Variants in ADGRG1 observed in about 807,000 individuals in gnomAD.
The protein encoded by ADGRG1 is adhesion G protein-coupled receptor G1.
ADGRG1 carries 53 observed loss-of-function variants against 73.5 expected under a neutral mutation model. The observed-to-expected ratio is 0.72, with a 90% CI of 0.58 to 0.91. The LOEUF (loss-of-function observed/expected upper bound fraction) is 0.91. Among genes scored for constraint, ADGRG1 ranks in the 40% least tolerant of loss-of-function variants. The probability of loss-of-function intolerance (pLI) is 0.00; values close to 1 mark genes in which losing one functional copy is unlikely to be tolerated. For synonymous variants in ADGRG1, 394 were observed against 374.4 expected (o/e 1.05, Z -0.60); for missense variants, 795 against 871.8 (o/e 0.91, Z 1.11).
intron 1 of ADGRG1, chr16:57,634,557 A>G (rs1045850475): frequency 4.9e-6 from 4 of 821,034 alleles, no homozygotes; most frequent in Middle Eastern, 6.1e-4. Flanking sequence ...ATGAGGAATC[A>G]GGCCCAAGAG....
chr16:57,652,141 GGGCGGAGTATGAGA>G, intron 3 of ADGRG1: 1 of 1,026,776 alleles, frequency 9.7e-7, no homozygotes. Flanking sequence ...TAGGGGTGAG[GGGCGGAGTATGAGA>G]GGTCAAAGGT....
At chr16:57,632,422 AT>A in intron 1 of ADGRG1, 4 of 679,700 alleles carry the variant, frequency 5.9e-6, no homozygotes, top group Non-Finnish European at 7.3e-6. Flanking sequence ...AGAGGCTATT[AT>A]GAGCATGAAG....
upstream of ADGRG1, chr16:57,626,748 C>T: frequency 1.0e-6 from 1 of 985,342 alleles, no homozygotes; most frequent in Non-Finnish European, 1.2e-6. Context: ...GGACAGCTGC[C>T]CTGTGGGCCT....
At chr16:57,643,957 C>G in intron 1 of ADGRG1, 1 of 984,702 alleles carries the variant, frequency 1.0e-6, no homozygotes, top group Non-Finnish European at 1.2e-6. Flanking sequence ...ACAGGGGTGT[C>G]TACTTTGAGC....
In ADGRG1 at chr16:57,651,289, C is replaced by T. The variant is rs754223248; in HGVS notation, c.154C>T (p.Pro52Ser). Residue 52 changes from proline (P) to serine (S), a missense_variant, in exon 3 of 14, where the codon CCA becomes TCA. Physicochemically the swap from Pro to Ser is moderately conservative, Grantham distance 74. Transcript: ENST00000562631. ...GAGCAGCCTCCACTACAAACCCACA[C>T]CAGACCTGCGCATCTCCATCGAGAA... Reference protein sequence around the residue: ...HRSSLHYKPTPDLRISIENSE... With the variant: ...HRSSLHYKPTSDLRISIENSE... The T allele has an allele frequency of 1.7e-5, 28 of 1,614,064 alleles. No homozygotes were observed. Among genetic ancestry groups the T allele is most frequent in the African/African-American group, 1.2e-4 (9 of 74,932 alleles).
upstream of ADGRG1, chr16:57,622,736 A>C: frequency 1.0e-6 from 1 of 983,770 alleles, no homozygotes; most frequent in Non-Finnish European, 1.2e-6. Flanking sequence ...GAGGCTAGGC[A>C]AAAGGTCAGA....
rs1341199870 is a variant in ADGRG1, at chr16:57,661,983, C to A, written c.1933+18C>A. 5.0e-6 allele frequency: 8 copies of A among 1,597,812 alleles called. No homozygotes were observed. Among genetic ancestry groups the A allele is most frequent in the Middle Eastern group, 1.7e-4 (1 of 6,034 alleles). ...CTTCCAAGGTAAGGAGAAGACCCGT[C>A]CCTTGGCCCAGGCAGGGTGTCTACA... On this transcript the variant is annotated intron_variant, in intron 13 of 13. Transcript: ENST00000562631.
chr16:57,646,979 C>G, intron 1 of ADGRG1: 2 of 974,978 alleles, frequency 2.1e-6, no homozygotes, highest in Non-Finnish European at 2.4e-6. Context: ...GGCCCTGTAG[C>G]GCTGGGGATC....
chr16:57,625,058 G>A (rs34177965), upstream of ADGRG1, among the ~76,000 whole-genome samples: 3,262 of 152,068 alleles, frequency 0.021, 100 homozygotes, highest in East Asian at 0.16. Context: ...CACAGACTCC[G>A]GGCTCAGAGA....
intron 1 of ADGRG1, chr16:57,641,282 A>G (rs1476289724): frequency 2.0e-6 from 2 of 985,070 alleles, no homozygotes; most frequent in Non-Finnish European, 2.4e-6. Context: ...TGCTCTAGGC[A>G]TGTACATTCC....
chr16:57,652,763 C>A (rs1177725355), intron 3 of ADGRG1: 2 of 1,054,568 alleles, frequency 1.9e-6, no homozygotes, highest in East Asian at 8.7e-5. Context: ...CCTGGAGACA[C>A]CTTAGTCGGC....
chr16:57,641,175 G>C (rs1273271863), intron 1 of ADGRG1: 18 of 805,228 alleles, frequency 2.2e-5, no homozygotes, highest in African/African-American at 9.3e-5. Context: ...ACTTGACAGA[G>C]GAGAAAATAA....
rs1211354829 is a variant in ADGRG1 at position 57,656,545 on chromosome 16, G to T, written c.1095G>T (p.Gly365=). 1 of 1,613,848 alleles carries T rather than the reference G, an allele frequency of 6.2e-7. No homozygotes were observed. The highest frequency in any genetic ancestry group is 8.5e-7 in the Non-Finnish European group (1 of 1,179,770). Residue 365 remains glycine (G), a synonymous_variant, in exon 9 of 14, where the codon GGG becomes GGT. Coordinates refer to ENST00000562631, the MANE Select transcript of ADGRG1 (RefSeq NM_201525.4). ...GCCCGGGGCATTGGAGCAGTGCTGGGTGTGAGACCGTCAGGAGAGAAACCC... is the reference window on the plus strand; with the variant it reads ...GCCCGGGGCATTGGAGCAGTGCTGGTTGTGAGACCGTCAGGAGAGAAACCC... ...LSSPGHWSSA[G]CETVRRETQT...
Position 57,647,386 on chromosome 16 carries a change from G to C in ADGRG1, c.-35-2867G>C, listed in dbSNP as rs1287623741. The C allele has an allele frequency of 3.1e-6, 3 of 982,420 alleles. No individual in the cohort carries two copies. The African/African-American group carries it at 5.2e-5, about 17-fold the overall frequency. 60.9% of individuals were successfully genotyped at this position (982,420 alleles called of 1,614,324 possible). A position where few individuals can be genotyped will look rare whatever the true frequency, so the allele number is the denominator to read the frequency against. Reference sequence around the variant, plus strand: ...CGGGAAGAGGGGGAAACAGGGAGGAGGGGCCTGTGACAGGCCCAGGGGGCT... The same window carrying C: ...CGGGAAGAGGGGGAAACAGGGAGGACGGGCCTGTGACAGGCCCAGGGGGCT... On this transcript the variant is annotated intron_variant, in intron 1 of 13. Coordinates refer to ENST00000562631, the MANE Select transcript of ADGRG1 (RefSeq NM_201525.4).
intron 1 of ADGRG1, chr16:57,636,367 A>G (rs2147522033): frequency 1.0e-6 from 1 of 985,378 alleles, no homozygotes; most frequent in Non-Finnish European, 1.2e-6. Flanking sequence ...CCAGGCTTCC[A>G]TGCTGTGGGA....
chr16:57,656,633 C>A lies in ADGRG1; in HGVS notation c.1167+16C>A. On this transcript the variant is annotated intron_variant, in intron 9 of 13. Coordinates refer to ENST00000562631, the MANE Select transcript of ADGRG1 (RefSeq NM_201525.4). ...AGTGCTGATGGTGAGGGTCCCTGCT[C>A]CCACCTCGCAGCCACACCCCAGGCC... is the stretch of plus-strand genomic sequence containing the variant. The A allele has an allele frequency of 6.7e-7, 1 of 1,495,202 alleles. No homozygotes were observed. The highest frequency in any genetic ancestry group is 9.3e-7 in the Non-Finnish European group (1 of 1,071,340). 92.6% of individuals were successfully genotyped at this position (1,495,202 alleles called of 1,614,324 possible). A position where few individuals can be genotyped will look rare whatever the true frequency, so the allele number is the denominator to read the frequency against.
intron 10 of ADGRG1, among the ~76,000 whole-genome samples, chr16:57,658,120 AAAACTT>A (rs2046202226): frequency 6.6e-6 from 1 of 152,240 alleles, no homozygotes; most frequent in African/African-American, 2.4e-5. Flanking sequence ...AGCAAAATAA[AAAACTT>A]AAAAAAGGAA....
chr16:57,654,422 G>GTTTT (rs200720786), intron 5 of ADGRG1, among the ~76,000 whole-genome samples: 2 of 115,120 alleles, frequency 1.7e-5, no homozygotes, highest in African/African-American at 6.1e-5. Flanking sequence ...CCCCCCCCCC[G>GTTTT]TTTTTTTTTT....
upstream of ADGRG1, chr16:57,620,663 G>T (rs936561333): frequency 6.6e-6 from 1 of 152,218 alleles, no homozygotes; most frequent in South Asian, 2.1e-4. Flanking sequence ...GCCTGGGGGG[G>T]CGTGCCCAGC....
Sources: gnomAD v4.1 joint callset for allele counts (sites outside exome capture counted in the v4.1 genomes callset) on GRCh38, gnomAD v4.1.1 for gene constraint, MANE v1.5 for transcripts, NCBI Gene and HGNC (gene_info 2026-07-23, HGNC 2026-07-21) for gene names.